Variants in PSD3 observed in about 807,000 individuals in gnomAD.
PSD3 encodes the protein pleckstrin and Sec7 domain containing 3, also known as PH and SEC7 domain-containing protein 3.
In PSD3, 49 loss-of-function variants were observed where a neutral mutation model predicts 105.5. The observed-to-expected ratio is 0.46, with a 90% CI of 0.37 to 0.59. The LOEUF (loss-of-function observed/expected upper bound fraction) is 0.59. Ranked by LOEUF, PSD3 falls within the 20% of genes least tolerant of loss-of-function variation. The pLI is 0.00. For missense variants in PSD3, 1,561 were observed against 1,263.8 expected, an observed-to-expected ratio of 1.24 and a Z score of -3.57; for synonymous variants, 557 against 457.8, an observed-to-expected ratio of 1.22 and a Z score of -2.77.
chr8:18,577,785 A>C (rs1216685141), intron 12 of PSD3, among the ~76,000 whole-genome samples: 2 of 152,032 alleles, frequency 1.3e-5, no homozygotes, highest in African/African-American at 4.8e-5. Context: ...CTGTTTCAAG[A>C]AGCCTTATTT....
intron 7 of PSD3, among the ~76,000 whole-genome samples, chr8:18,800,122 G>T (rs11986109): frequency 6.6e-6 from 1 of 151,940 alleles, no homozygotes; most frequent in African/African-American, 2.4e-5. Context: ...AGTATTTTAA[G>T]AACTCAGCAG....
chr8:18,891,071 T>A (rs1431137071), intron 2 of PSD3, among the ~76,000 whole-genome samples: 1 of 152,192 alleles, frequency 6.6e-6, no homozygotes, highest in African/African-American at 2.4e-5. Context: ...GAGCTTACTA[T>A]GGATAATGCT....
In PSD3 at chr8:18,936,040, C is replaced by G; in HGVS notation, c.124G>C (p.Asp42His). The change falls in exon 2 of 16, where the codon GAT (aspartate) becomes CAT (histidine). Residue 42 changes from aspartate to histidine, a missense_variant. Physicochemically the swap from Asp to His is moderately conservative, Grantham distance 81 (BLOSUM62 -1). Coordinates refer to ENST00000327040, the MANE Select transcript of PSD3 (RefSeq NM_015310.4). ...LFGRSEGKAP[D>H]TSDHGGSTLL... The stretch of plus-strand genomic sequence containing the variant: ...GATATGAGGAAATACTTACTAGTAT[C>G]TGGAGCTTTCCCTTCAGATCTGCCA... 1 of 1,604,224 alleles carries G rather than the reference C, an allele frequency of 6.2e-7. No homozygotes were observed. The highest frequency in any genetic ancestry group is 1.1e-5 in the South Asian group (1 of 90,828).
intron 4 of PSD3, among the ~76,000 whole-genome samples, chr8:18,828,047 G>GTATA (rs368464281): frequency 1.4e-3 from 182 of 126,370 alleles, no homozygotes; most frequent in East Asian, 1.3e-3. Flanking sequence ...ATATATATAT[G>GTATA]TATATATATA....
At chr8:18,989,809 T>C (rs1825695329) in intron 1 of PSD3, among the ~76,000 whole-genome samples, 1 of 152,218 alleles carries the variant, frequency 6.6e-6, no homozygotes, top group South Asian at 2.1e-4. Flanking sequence ...AAGTGGCTAT[T>C]CTAATGCCTC....
chr8:18,651,942 T>A lies in PSD3; in HGVS notation c.2216+3700A>T, dbSNP rs186238205. ...CACAGAGGTTAAAGTACAGGGAAGA[T>A]TGGAGACAGAAGGCCTTGTTGAGGA... On this transcript the variant is annotated intron_variant, in intron 10 of 15. Coordinates refer to ENST00000327040, the MANE Select transcript of PSD3 (RefSeq NM_015310.4). Among the ~76,000 whole-genome samples the A allele has an allele frequency of 1.6e-3, 250 of 152,224 alleles. 1 individual carries two copies. Among genetic ancestry groups the A allele is most frequent in the African/African-American group, 5.7e-3 (238 of 41,548 alleles).
intron 9 of PSD3, among the ~76,000 whole-genome samples, chr8:18,702,061 T>G (rs1437445214): frequency 6.6e-6 from 1 of 152,224 alleles, no homozygotes. Flanking sequence ...CAAGGCAGAA[T>G]GTTTTCCCAG....
At chr8:18,662,069 C>T (rs773017047) in intron 9 of PSD3, among the ~76,000 whole-genome samples, 15 of 151,684 alleles carry the variant, frequency 9.9e-5, no homozygotes, top group Non-Finnish European at 1.9e-4. Context: ...ATCTGTATCT[C>T]GGGCAATTAG....
intron 12 of PSD3, among the ~76,000 whole-genome samples, chr8:18,579,183 T>C (rs1006535495): frequency 6.7e-6 from 1 of 148,902 alleles, no homozygotes; most frequent in Non-Finnish European, 1.5e-5. Context: ...GACAATTGGA[T>C]TAAAAAAATG....
intron 12 of PSD3, among the ~76,000 whole-genome samples, chr8:18,600,065 T>C (rs1308752815): frequency 2.0e-5 from 3 of 152,174 alleles, no homozygotes; most frequent in Non-Finnish European, 2.9e-5. Flanking sequence ...CAGAGATGTC[T>C]ATTAAGTGAT....
intron 1 of PSD3, among the ~76,000 whole-genome samples, chr8:18,952,971 T>A (rs1460898230): frequency 6.6e-6 from 1 of 152,158 alleles, no homozygotes; most frequent in Non-Finnish European, 1.5e-5. Context: ...GTATCAACTG[T>A]GAGTAAACAT....
In PSD3 at chr8:18,563,783, T is replaced by C. The variant is rs1438508838; in HGVS notation, c.2785-7431A>G. On this transcript the variant is annotated intron_variant, in intron 14 of 15. Transcript: ENST00000327040. ...AAGGCCACATCAAAGAGTTTGAATG[T>C]GAAAAAATGAATCAGTTAAGGGTAA... Among the ~76,000 whole-genome samples the C allele has an allele frequency of 2.0e-5, 3 of 152,284 alleles. No homozygotes were observed. The East Asian group carries it at 5.8e-4, about 29-fold the overall frequency.
chr8:18,912,780 A>G (rs1256837363), intron 2 of PSD3, among the ~76,000 whole-genome samples: 2 of 152,184 alleles, frequency 1.3e-5, no homozygotes, highest in Non-Finnish European at 2.9e-5. Context: ...CTTCATCACA[A>G]ATTTCAAGCT....
At chr8:19,074,611 ATTTTTTTTTTT>A (rs1206111403) in intron 1 of PSD3, among the ~76,000 whole-genome samples, 32 of 24,234 alleles carry the variant, frequency 1.3e-3, no homozygotes, top group African/African-American at 4.8e-3. Context: ...ATATATATAT[ATTTTTTTTTTT>A]TTTTTTTTTT....
chr8:18,652,316 T>G (rs760875282), intron 10 of PSD3, among the ~76,000 whole-genome samples: 5 of 152,020 alleles, frequency 3.3e-5, no homozygotes. Flanking sequence ...TTGCAATTGC[T>G]GAGGAGGAGA....
chr8:18,734,331 TG>T, intron 9 of PSD3: 1 of 152,238 alleles, frequency 6.6e-6, no homozygotes, highest in East Asian at 1.9e-4. Context: ...TGTATATGTC[TG>T]AAAAACAGTA....
chr8:18,599,932 T>A (rs1472135553), intron 12 of PSD3, among the ~76,000 whole-genome samples: 1 of 152,184 alleles, frequency 6.6e-6, no homozygotes, highest in Admixed American at 6.5e-5. Flanking sequence ...TTAACCATAA[T>A]AACTAATAAT....
intron 1 of PSD3, among the ~76,000 whole-genome samples, chr8:19,075,800 G>A (rs1020391177): frequency 1.3e-5 from 2 of 152,136 alleles, no homozygotes; most frequent in African/African-American, 4.8e-5. Flanking sequence ...ATGTTTATCT[G>A]CCCTAAAGGC....
intron 11 of PSD3, among the ~76,000 whole-genome samples, chr8:18,621,441 G>C (rs1250189080): frequency 6.6e-6 from 1 of 152,148 alleles, no homozygotes; most frequent in Non-Finnish European, 1.5e-5. Context: ...TGAGAATGAT[G>C]GCGGAGGACC....
Sources: allele counts gnomAD v4.1 joint callset (sites outside exome capture counted in the v4.1 genomes callset), GRCh38; gene constraint gnomAD v4.1.1; transcripts MANE v1.5; gene names NCBI Gene and HGNC (gene_info 2026-07-23, HGNC 2026-07-21).